Variants in PTPRN2 observed in about 807,000 individuals in gnomAD.
PTPRN2 encodes receptor-type tyrosine-protein phosphatase N2.
Under a neutral mutation model 118.8 loss-of-function variants are expected in PTPRN2, and 74 were observed. The observed-to-expected ratio is 0.62, with a 90% CI of 0.52 to 0.76. The LOEUF (loss-of-function observed/expected upper bound fraction) is 0.76, where lower values mean the gene tolerates loss of function less well. Ranked by LOEUF, PTPRN2 falls within the 30% of genes least tolerant of loss-of-function variation. The pLI is 0.00. For synonymous variants in PTPRN2, 641 were observed against 608.0 expected (o/e 1.05, Z -0.80); for missense variants, 1,481 against 1,394.4 (o/e 1.06, Z -0.99).
rs112366629 is a variant in PTPRN2, at chr7:157,848,794, G to A, written c.1788+49879C>T. On this transcript the variant is annotated intron_variant, in intron 12 of 22. Coordinates refer to ENST00000389418, the MANE Select transcript of PTPRN2 (RefSeq NM_002847.5). ...GAACGCTTGTCCTGAATGGTGGCCC[G>A]CACCCTGCAGTGAGCCCACGGCTAT... Among the ~76,000 whole-genome samples, 1,265 of 152,360 alleles carry A rather than the reference G, an allele frequency of 8.3e-3. 25 individuals carry two copies. Among genetic ancestry groups the A allele is most frequent in the African/African-American group, 0.029 (1,196 of 41,590 alleles).
At position 157,733,380 on chromosome 7, in the gene PTPRN2, C is replaced by T. The variant is rs56812129; in HGVS notation, c.1789-50443G>A. On this transcript the variant is annotated intron_variant, in intron 12 of 22. Coordinates refer to ENST00000389418, the MANE Select transcript of PTPRN2 (RefSeq NM_002847.5). The stretch of plus-strand genomic sequence containing the variant: ...CACAGTTACTCTTTTCCGTCCCATG[C>T]GCCCAGCACAGTTACCCTTCCACCC... Among the ~76,000 whole-genome samples, 92 of 84,630 alleles carry T rather than the reference C, an allele frequency of 1.1e-3. 9 individuals carry two copies. The highest frequency in any genetic ancestry group is 5.2e-3 in the African/African-American group (89 of 17,240). The allele number at this position is 84,630 out of a possible 152,430, so 55.5% of individuals were successfully genotyped here.
At chr7:157,557,062 C>T (rs1410711781) in intron 21 of PTPRN2, among the ~76,000 whole-genome samples, 2 of 151,496 alleles carry the variant, frequency 1.3e-5, no homozygotes, top group Non-Finnish European at 2.9e-5. Flanking sequence ...ACCCCACACT[C>T]ATGTATCATA....
chr7:158,146,972 C>A (rs1387992816), intron 6 of PTPRN2, among the ~76,000 whole-genome samples: 6 of 130,984 alleles, frequency 4.6e-5, no homozygotes, highest in South Asian at 5.7e-4. Context: ...CCATCTCACG[C>A]CACGTGTCTT....
At chr7:158,428,599 A>G (rs956673464) in intron 2 of PTPRN2, among the ~76,000 whole-genome samples, 1 of 152,186 alleles carries the variant, frequency 6.6e-6, no homozygotes, top group Non-Finnish European at 1.5e-5. Flanking sequence ...ACTCCTAAGA[A>G]GTATAATTTT....
intron 11 of PTPRN2, among the ~76,000 whole-genome samples, chr7:158,062,613 C>G (rs77351221): frequency 6.6e-6 from 1 of 152,024 alleles, no homozygotes; most frequent in Admixed American, 6.5e-5. Context: ...GTGGTGCTCA[C>G]GGGCCAGCAC....
chr7:158,206,906 C>T (rs1475103039), intron 3 of PTPRN2, among the ~76,000 whole-genome samples: 1 of 148,874 alleles, frequency 6.7e-6, no homozygotes, highest in Non-Finnish European at 1.5e-5. Flanking sequence ...GTGCTGCACC[C>T]ACTAACTCGT....
At chr7:157,759,096 C>T (rs1801982209) in intron 12 of PTPRN2, among the ~76,000 whole-genome samples, 1 of 152,244 alleles carries the variant, frequency 6.6e-6, no homozygotes, top group African/African-American at 2.4e-5. Flanking sequence ...TCTGAAAAAT[C>T]ATGTCCTGTG....
At position 158,270,625 on chromosome 7, in the gene PTPRN2, C is replaced by T. The variant is rs182079655; in HGVS notation, c.277+46194G>A. The stretch of plus-strand genomic sequence containing the variant: ...TCAGGGCAGTAATAAGGGAAGGTTT[C>T]GACCACTGTTAGCTGCAGAAGGGCC... On this transcript the variant is annotated intron_variant, in intron 3 of 22. Coordinates refer to ENST00000389418, the MANE Select transcript of PTPRN2 (RefSeq NM_002847.5). 1.7e-3 allele frequency among the ~76,000 whole-genome samples: 261 copies of T among 152,152 alleles called. 2 individuals carry two copies. The highest frequency in any genetic ancestry group is 5.4e-3 in the African/African-American group (222 of 41,486).
intron 12 of PTPRN2, among the ~76,000 whole-genome samples, chr7:157,889,289 G>A (rs867975124): frequency 4.7e-5 from 7 of 149,196 alleles, no homozygotes; most frequent in African/African-American, 1.2e-4. Context: ...GTTCAGACCC[G>A]CCTGGTTACC....
At chr7:158,280,767 G>A (rs564727756) in intron 3 of PTPRN2, among the ~76,000 whole-genome samples, 2 of 152,228 alleles carry the variant, frequency 1.3e-5, no homozygotes, top group African/African-American at 2.4e-5. Flanking sequence ...TGGAAGTGTT[G>A]TTTGCAGAGA....
At chr7:157,999,660 C>G (rs1022868853) in intron 11 of PTPRN2, among the ~76,000 whole-genome samples, 1 of 152,122 alleles carries the variant, frequency 6.6e-6, no homozygotes, top group African/African-American at 2.4e-5. Flanking sequence ...GAGGTGCTGT[C>G]TGCAGCTGTT....
chr7:158,042,006 C>A (rs1808504619), intron 11 of PTPRN2, among the ~76,000 whole-genome samples: 1 of 152,152 alleles, frequency 6.6e-6, no homozygotes, highest in Admixed American at 6.5e-5. Flanking sequence ...TGCTTTAAGC[C>A]TCAGCAAAGA....
intron 19 of PTPRN2, among the ~76,000 whole-genome samples, chr7:157,575,452 G>A (rs922103171): frequency 1.3e-5 from 2 of 152,256 alleles, no homozygotes; most frequent in Non-Finnish European, 2.9e-5. Flanking sequence ...GCCACTGAGT[G>A]TGTGTTGTGG....
Position 157,763,114 on chromosome 7 carries a change from G to T in PTPRN2, c.1789-80177C>A, listed in dbSNP as rs530835504. Reference sequence around the variant, plus strand: ...GAGCTAACCATCAGAGCCCACGGCCGCCCACTCATGGTCGGTCACAGGGTT... The same window carrying T: ...GAGCTAACCATCAGAGCCCACGGCCTCCCACTCATGGTCGGTCACAGGGTT... On this transcript the variant is annotated intron_variant, in intron 12 of 22. Transcript: ENST00000389418. This position sits in a 1 kb window ranked among gnomAD's most constrained non-coding sequence, Gnocchi z 4.9. 7.6e-6 allele frequency among the ~76,000 whole-genome samples: 1 copy of T among 130,802 alleles called. No individual in the cohort carries two copies. Among genetic ancestry groups the T allele is most frequent in the Non-Finnish European group, 1.7e-5 (1 of 59,856 alleles). The allele number at this position is 130,802 out of a possible 152,430, so 85.8% of individuals were successfully genotyped here.
intron 3 of PTPRN2, among the ~76,000 whole-genome samples, chr7:158,292,683 AC>A (rs1202947525): frequency 6.6e-6 from 1 of 152,350 alleles, no homozygotes; most frequent in East Asian, 1.9e-4. Flanking sequence ...CCTACAAGTT[AC>A]TGTGCTGAAT....
chr7:158,330,706 C>A lies in PTPRN2; in HGVS notation c.164-13774G>T, dbSNP rs1275132580. 9.4e-5 allele frequency among the ~76,000 whole-genome samples: 11 copies of A among 117,620 alleles called. 3 individuals are homozygous for A. Among genetic ancestry groups the A allele is most frequent in the Admixed American group, 1.9e-4 (2 of 10,544 alleles). 77.2% of individuals were successfully genotyped at this position (117,620 alleles called of 152,430 possible). A position where few individuals can be genotyped will look rare whatever the true frequency, so the allele number is the denominator to read the frequency against. On this transcript the variant is annotated intron_variant, in intron 2 of 22. Coordinates refer to ENST00000389418, the MANE Select transcript of PTPRN2 (RefSeq NM_002847.5). Reference sequence around the variant, plus strand: ...CAAAGAGGTCACTCACATCCATACTCTCACCATAAGAGCCGACACGTGCAG... The same window carrying A: ...CAAAGAGGTCACTCACATCCATACTATCACCATAAGAGCCGACACGTGCAG...
intron 2 of PTPRN2, among the ~76,000 whole-genome samples, chr7:158,331,835 GACGAC>G (rs1804521252): frequency 5.7e-5 from 6 of 105,396 alleles, no homozygotes; most frequent in Admixed American, 2.6e-4. Context: ...GACACCCGCA[GACGAC>G]ACTAACAACC....
intron 3 of PTPRN2, among the ~76,000 whole-genome samples, chr7:158,313,201 T>G (rs1802016433): frequency 6.6e-6 from 1 of 152,172 alleles, no homozygotes; most frequent in African/African-American, 2.4e-5. Context: ...TCCAGAAGCC[T>G]GCATCCTGGA....
chr7:158,562,474 C>T (rs945468194), intron 1 of PTPRN2, among the ~76,000 whole-genome samples: 1 of 152,136 alleles, frequency 6.6e-6, no homozygotes, highest in African/African-American at 2.4e-5. Flanking sequence ...CTCCATCTGC[C>T]CTTTACATGA....
Sources: gnomAD v4.1 joint callset for allele counts (sites outside exome capture counted in the v4.1 genomes callset) on GRCh38, gnomAD v4.1.1 for gene constraint, Gnocchi (gnomAD v3.1) non-coding constraint, MANE v1.5 for transcripts, NCBI Gene and HGNC (gene_info 2026-07-23, HGNC 2026-07-21) for gene names.